Variants in ZNF565 observed in about 807,000 individuals in gnomAD.
The protein encoded by ZNF565 is zinc finger protein 565.
Under a neutral mutation model 39.4 loss-of-function variants are expected in ZNF565, and 27 were observed. The ratio of observed to expected loss-of-function variants is 0.69; its 90% CI spans 0.51 to 0.95. The LOEUF is 0.95. Among genes scored for constraint, ZNF565 ranks in the 40% least tolerant of loss-of-function variants. The pLI, the probability that ZNF565 is intolerant of heterozygous loss-of-function variation, is 0.00. For synonymous variants in ZNF565, 185 were observed against 216.6 expected (o/e 0.85, Z 1.28); for missense variants, 524 against 621.1 (o/e 0.84, Z 1.66).
chr19:36,183,346 G>T lies in ZNF565; in HGVS notation c.620C>A (p.Ala207Asp), dbSNP rs1156982959. The T allele has an allele frequency of 6.2e-7, 1 of 1,606,420 alleles. No individual in the cohort carries two copies. The highest frequency in any genetic ancestry group is 1.7e-5 in the Admixed American group (1 of 58,500). The change falls in exon 5 of 5, where the codon GCC (alanine) becomes GAC (aspartate). Residue 207 changes from alanine to aspartate, a missense_variant. By Grantham distance (126) the Ala-to-Asp change is moderately radical. Coordinates refer to ENST00000304116, the MANE Select transcript of ZNF565 (RefSeq NM_152477.5). ...TCTCTGATGCTGAACAAGGTGTGAGGCACGGCTGAAGGCCTTCCCACATTC... is the reference window on the plus strand; with the variant it reads ...TCTCTGATGCTGAACAAGGTGTGAGTCACGGCTGAAGGCCTTCCCACATTC... The part of the protein sequence containing the change: ...CKECGKAFSR[A>D]SHLVQHQRIH...
chr19:36,184,100 A>C (rs867362574), intron 4 of ZNF565, among the ~76,000 whole-genome samples: 1 of 149,748 alleles, frequency 6.7e-6, no homozygotes, highest in Non-Finnish European at 1.5e-5. Context: ...AAAAAAAAAA[A>C]AAACTATAGT....
Position 36,245,526 on chromosome 19 carries a change from C to T in ZNF565, c.5G>A (p.Arg2His), listed in dbSNP as rs571905666. 7 of 702,168 alleles carry T rather than the reference C, an allele frequency of 1.0e-5. No individual in the cohort carries two copies. The East Asian group carries it at 1.6e-4, about 16-fold the overall frequency. 43.5% of individuals were successfully genotyped at this position (702,168 alleles called of 1,614,324 possible). A position where few individuals can be genotyped will look rare whatever the true frequency, so the allele number is the denominator to read the frequency against. ...GGACCACCTTTCCCAGGGTCCACGG[C>T]GCATTTAGGTGGTGGCTTGCTCTGG... Residue 2 changes from arginine to histidine, a missense_variant, in exon 1 of 5, where the codon CGC (arginine) becomes CAC (histidine). Coordinates refer to the ZNF565 transcript ENST00000355114. The surrounding 1 kb of genome is among the most constrained non-coding windows in gnomAD (Gnocchi z 4.4).
chr19:36,244,375 C>CT (rs1296481123), intron 1 of ZNF565, among the ~76,000 whole-genome samples: 1 of 151,606 alleles, frequency 6.6e-6, no homozygotes, highest in Non-Finnish European at 1.5e-5. Flanking sequence ...ATGGTGAAAC[C>CT]CTTCTCTACT....
chr19:36,204,383 G>A (rs1976076365), intron 1 of ZNF565, among the ~76,000 whole-genome samples: 1 of 152,228 alleles, frequency 6.6e-6, no homozygotes, highest in Non-Finnish European at 1.5e-5. Flanking sequence ...TGAGCAGAGT[G>A]AAATGCAGTG....
chr19:36,241,781 CA>C (rs57036778), intron 1 of ZNF565, among the ~76,000 whole-genome samples: 3,407 of 79,710 alleles, frequency 0.043, 36 homozygotes, highest in African/African-American at 0.05. Context: ...AGAAGAGTGT[CA>C]AAAAAAAAAA....
At chr19:36,213,527 AG>A in intron 1 of ZNF565, 1 of 152,714 alleles carries the variant, frequency 6.5e-6, no homozygotes, top group African/African-American at 2.4e-5. Context: ...CTGGGATTAC[AG>A]GCACCTGCCA....
chr19:36,217,053 GTC>G (rs1568427587), upstream of ZNF565, among the ~76,000 whole-genome samples: 4 of 71,840 alleles, frequency 5.6e-5, no homozygotes, highest in African/African-American at 9.7e-5. Context: ...GCCAGTCCCT[GTC>G]TTTTTTTTTT....
chr19:36,219,645 T>C (rs966663407), upstream of ZNF565, among the ~76,000 whole-genome samples: 1 of 152,324 alleles, frequency 6.6e-6, no homozygotes, highest in African/African-American at 2.4e-5. Flanking sequence ...CAAAATGTTA[T>C]GTTTACTTTG....
At chr19:36,225,830 G>T (rs1230269333) in intron 1 of ZNF565, among the ~76,000 whole-genome samples, 2 of 142,816 alleles carry the variant, frequency 1.4e-5, no homozygotes, top group African/African-American at 5.3e-5. Flanking sequence ...GCATGATCAC[G>T]GCTCACTGCA....
At chr19:36,225,454 T>G (rs1055156991) in intron 1 of ZNF565, among the ~76,000 whole-genome samples, 2 of 152,180 alleles carry the variant, frequency 1.3e-5, no homozygotes, top group South Asian at 4.1e-4. Flanking sequence ...AAAAGTTTTG[T>G]GTCTTAAGTT....
chr19:36,235,077 T>A (rs903447353), intron 1 of ZNF565, among the ~76,000 whole-genome samples: 1 of 152,034 alleles, frequency 6.6e-6, no homozygotes, highest in Non-Finnish European at 1.5e-5. Flanking sequence ...GGTATGGTGG[T>A]GCACACCTGT....
At chr19:36,241,566 G>A (rs931117872) in intron 1 of ZNF565, among the ~76,000 whole-genome samples, 7 of 151,890 alleles carry the variant, frequency 4.6e-5, no homozygotes, top group African/African-American at 1.7e-4. Context: ...GCGGAGGCGG[G>A]TGGATCACCT....
chr19:36,236,264 G>T (rs571442292), intron 1 of ZNF565: 27 of 730,466 alleles, frequency 3.7e-5, no homozygotes, highest in Non-Finnish European at 5.1e-5. Flanking sequence ...AATATACTGA[G>T]TATGATAACA....
intron 2 of ZNF565, among the ~76,000 whole-genome samples, chr19:36,200,253 T>A (rs1191392682): frequency 2.0e-5 from 3 of 151,992 alleles, no homozygotes; most frequent in African/African-American, 7.2e-5. Context: ...CTCGAACTCC[T>A]GACCTCAGGT....
chr19:36,243,754 G>A (rs1466895877), intron 1 of ZNF565, among the ~76,000 whole-genome samples: 3 of 151,622 alleles, frequency 2.0e-5, no homozygotes, highest in African/African-American at 7.3e-5. Flanking sequence ...GGCTGGGGGT[G>A]GGGGTGGCAC....
intron 4 of ZNF565, among the ~76,000 whole-genome samples, chr19:36,189,888 T>C (rs943854426): frequency 7.9e-5 from 12 of 151,846 alleles, no homozygotes; most frequent in Middle Eastern, 3.4e-3. Context: ...GGAATAAAGA[T>C]GCGCGATCGA....
At chr19:36,236,004 A>T (rs1435789893) in intron 1 of ZNF565, 1 of 165,568 alleles carries the variant, frequency 6.0e-6, no homozygotes, top group Non-Finnish European at 1.3e-5. Context: ...CTCATCTGTT[A>T]CCAGAGTGTT....
At chr19:36,194,605 A>C in intron 3 of ZNF565, 1 of 475,638 alleles carries the variant, frequency 2.1e-6, no homozygotes, top group South Asian at 2.6e-5. Flanking sequence ...AATTATGTGG[A>C]GTAAATGTGT....
At chr19:36,190,756 C>T (rs1471414809) in intron 4 of ZNF565, among the ~76,000 whole-genome samples, 1 of 151,716 alleles carries the variant, frequency 6.6e-6, no homozygotes. Flanking sequence ...TTTTGGGAGG[C>T]CTAGGTGGGT....
Sources: allele counts gnomAD v4.1 joint callset (sites outside exome capture counted in the v4.1 genomes callset), GRCh38; gene constraint gnomAD v4.1.1; non-coding constraint Gnocchi (gnomAD v3.1); transcripts MANE v1.5; gene names NCBI Gene and HGNC (gene_info 2026-07-23, HGNC 2026-07-21).